SLC25A3: variants seen among roughly 807,000 people sequenced by gnomAD.
SLC25A3 encodes solute carrier family 25 member 3, also known as phosphate transport protein.
A neutral mutation model predicts 37.1 loss-of-function variants in SLC25A3; 14 were observed. The ratio of observed to expected loss-of-function variants is 0.38; its 90% confidence interval spans 0.25 to 0.59. The LOEUF (loss-of-function observed/expected upper bound fraction) is 0.59, where lower values mean the gene tolerates loss of function less well. SLC25A3 is among the 20% of genes least tolerant of loss of function. The probability of loss-of-function intolerance (pLI) is 0.67; values close to 1 mark genes in which losing one functional copy is unlikely to be tolerated. For missense variants in SLC25A3, 385 were observed against 458.1 expected, an observed-to-expected ratio of 0.84 and a Z score of 1.46; for synonymous variants, 161 against 168.7, an observed-to-expected ratio of 0.95 and a Z score of 0.36.
rs1395126283 is a variant in SLC25A3 at position 98,603,935 on chromosome 12, A to C, written c.*2407A>C. Reference sequence around the variant, plus strand: ...TAATGAAATGTCTACTGTCAATACGATAAAGCAGAACCCAGTGGAGTAAGA... The same window carrying C: ...TAATGAAATGTCTACTGTCAATACGCTAAAGCAGAACCCAGTGGAGTAAGA... On this transcript the variant is annotated 3_prime_UTR_variant, in exon 8 of 8. Coordinates refer to ENST00000552981, the MANE Select transcript of SLC25A3 (RefSeq NM_002635.4). 6.6e-6 allele frequency: 1 copy of C among 152,162 alleles called. No homozygotes were observed. Among genetic ancestry groups the C allele is most frequent in the African/African-American group, 2.4e-5 (1 of 41,430 alleles). The allele number at this position is 152,162 out of a possible 1,614,324, so 9.4% of individuals were successfully genotyped here. A position where few individuals can be genotyped will look rare whatever the true frequency, so the allele number is the denominator to read the frequency against.
chr12:98,594,556 T>C (rs972790289), intron 2 of SLC25A3: 16 of 589,106 alleles, frequency 2.7e-5, no homozygotes, highest in Admixed American at 2.4e-4. Flanking sequence ...TCCTAAGTTT[T>C]ATATTTGTCG....
chr12:98,599,421 A>G lies in SLC25A3; in HGVS notation c.642-534A>G, dbSNP rs182166706. ...AAGACTATTATAACATTTAATGTCT[A>G]TTTACCTGTATGTAGAACATAAACT... On this transcript the variant is annotated intron_variant, in intron 5 of 7. Coordinates refer to ENST00000552981, the MANE Select transcript of SLC25A3 (RefSeq NM_002635.4). Among the ~76,000 whole-genome samples the G allele has an allele frequency of 1.6e-3, 244 of 152,010 alleles. 3 individuals are homozygous for G. The highest frequency in any genetic ancestry group is 7.7e-3 in the South Asian group (37 of 4,816).
In SLC25A3 at chr12:98,601,209, T is replaced by A. The variant is rs757617119; in HGVS notation, c.853T>A (p.Ser285Thr). ...TGCAATTGTTTCTCACCCTGCTGAT[T>A]CTGTGGTATCTGTGTTGAATAAAGA... ...FCAIVSHPAD[S>T]VVSVLNKEKG... The change falls in exon 7 of 8, where the codon TCT (serine) becomes ACT (threonine). Residue 285 changes from serine to threonine, a missense_variant. Transcript: ENST00000552981. 4.3e-6 allele frequency: 7 copies of A among 1,613,626 alleles called. No homozygotes were observed. The East Asian group carries it at 1.3e-4, about 31-fold the overall frequency.
Position 98,601,515 on chromosome 12 carries a change from G to C in SLC25A3, c.1073G>C (p.Gly358Ala). 1 of 1,611,446 alleles carries C rather than the reference G, an allele frequency of 6.2e-7. No homozygotes were observed. The highest frequency in any genetic ancestry group is 8.5e-7 in the Non-Finnish European group (1 of 1,177,626). The change falls in exon 8 of 8, where the codon GGG becomes GCG. Residue 358 changes from glycine to alanine, a missense_variant. Physicochemically the swap from Gly to Ala is moderately conservative, Grantham distance 60. Coordinates refer to ENST00000552981, the MANE Select transcript of SLC25A3 (RefSeq NM_002635.4). ...CCAGAGTCTCTGAAGAAGAAGCTTG[G>C]GTTAACTCAGTAGTTAGATCAAAGC... ...EMPESLKKKL[G>A]LTQ
Position 98,602,640 on chromosome 12 carries a change from T to G in SLC25A3, c.*1112T>G, listed in dbSNP as rs186187019. ...GAGCTCCTAGAAAGTGAATTAGTTT[T>G]TGTGTTTAGATTCCCCTTAAGTTTG... On this transcript the variant is annotated 3_prime_UTR_variant, in exon 8 of 8. Transcript: ENST00000552981. The G allele has an allele frequency of 1.3e-5, 2 of 152,318 alleles. No individual in the cohort carries two copies. Among genetic ancestry groups the G allele is most frequent in the African/African-American group, 4.8e-5 (2 of 41,578 alleles). The allele number at this position is 152,318 out of a possible 1,614,324, so 9.4% of individuals were successfully genotyped here.
intron 2 of SLC25A3, chr12:98,595,405 C>G (rs183150042): frequency 5.6e-6 from 9 of 1,610,384 alleles, no homozygotes; most frequent in Non-Finnish European, 6.8e-6. Flanking sequence ...GAAATACTTA[C>G]TTGATTTTTT....
intron 2 of SLC25A3, chr12:98,595,517 C>T (rs764006781): frequency 3.1e-6 from 5 of 1,614,030 alleles, no homozygotes; most frequent in Non-Finnish European, 4.2e-6. Context: ...ACAACACATA[C>T]AGCATTGGTT....
chr12:98,602,570 T>C lies in SLC25A3; in HGVS notation c.*1042T>C, dbSNP rs999549690. 1 of 152,220 alleles carries C rather than the reference T, an allele frequency of 6.6e-6. No individual in the cohort carries two copies. The highest frequency in any genetic ancestry group is 1.5e-5 in the Non-Finnish European group (1 of 68,044). The allele number at this position is 152,220 out of a possible 1,614,324, so 9.4% of individuals were successfully genotyped here. The stretch of plus-strand genomic sequence containing the variant: ...CCACTGGGGAAAAAGCATTCCATCA[T>C]ACTTAGATACGAGATTGGATTGTAG... On this transcript the variant is annotated 3_prime_UTR_variant, in exon 8 of 8. Transcript: ENST00000552981.
At chr12:98,593,942 C>G in intron 1 of SLC25A3, 33 bp from the exon 2 acceptor site, 1 of 1,613,434 alleles carries the variant, frequency 6.2e-7, no homozygotes, top group South Asian at 1.1e-5. Context: ...GGCGCCTTGC[C>G]TGTCCTCTAA....
Position 98,602,731 on chromosome 12 carries a change from A to C in SLC25A3, c.*1203A>C, listed in dbSNP as rs1005636757. 6.6e-6 allele frequency: 1 copy of C among 152,158 alleles called. No homozygotes were observed. The highest frequency in any genetic ancestry group is 6.6e-5 in the Admixed American group (1 of 15,258). The allele number at this position is 152,158 out of a possible 1,614,324, so 9.4% of individuals were successfully genotyped here. ...CCCACCACTGGAAAAAAAACGAAAAACCTAGTGTAATATATAACATGCTGT... is the reference window on the plus strand; with the variant it reads ...CCCACCACTGGAAAAAAAACGAAAACCCTAGTGTAATATATAACATGCTGT... On this transcript the variant is annotated 3_prime_UTR_variant, in exon 8 of 8. Transcript: ENST00000552981.
rs1302964992 is a variant in SLC25A3, at chr12:98,604,263, A to AAAAAAATATAT, written c.*2736_*2737insAAAAATATATA. On this transcript the variant is annotated 3_prime_UTR_variant, in exon 8 of 8. Transcript: ENST00000552981. ...GCGAAACTCTGTCTCAAAAAAAAAAAATATATATATATATATATATATATG... is the reference window on the plus strand; with the variant it reads ...GCGAAACTCTGTCTCAAAAAAAAAAAAAAAAATATATATATATATATATATATATATATATG... 7.4e-6 allele frequency: 1 copy of AAAAAAATATAT among 134,588 alleles called. No individual in the cohort carries two copies. Among genetic ancestry groups the AAAAAAATATAT allele is most frequent in the Admixed American group, 7.6e-5 (1 of 13,128 alleles). 8.3% of individuals were successfully genotyped at this position (134,588 alleles called of 1,614,324 possible).
At chr12:98,595,987 CTTTAT>C (rs1484710561) in intron 3 of SLC25A3, 139 bp downstream of exon 3, 4 of 805,400 alleles carry the variant, frequency 5.0e-6, no homozygotes, top group African/African-American at 1.7e-5. Flanking sequence ...AAATTGTGGG[CTTTAT>C]TTTGACTAGT....
intron 6 of SLC25A3, 130 bp from the exon 7 acceptor site, chr12:98,601,041 C>CGT: frequency 1.0e-6 from 1 of 995,212 alleles, no homozygotes; most frequent in South Asian, 1.5e-5. Context: ...TAACTGTACC[C>CGT]GTGTCACCCT....
intron 4 of SLC25A3, 86 bp downstream of exon 4, chr12:98,598,121 T>C (rs556431341): frequency 1.5e-6 from 2 of 1,367,390 alleles, no homozygotes; most frequent in East Asian, 4.7e-5. Context: ...TGCCTTATTT[T>C]AGCACTGAAG....
chr12:98,597,042 AAGT>A (rs1565830085), intron 3 of SLC25A3, among the ~76,000 whole-genome samples: 2 of 152,136 alleles, frequency 1.3e-5, no homozygotes, highest in African/African-American at 4.8e-5. Context: ...AACACAAAAA[AAGT>A]AGTAGGAGTT....
In SLC25A3 at chr12:98,597,860, A is replaced by AC; in HGVS notation, c.289dup (p.Gln97ProfsTer8). 1.2e-6 allele frequency: 2 copies of AC among 1,612,726 alleles called. No homozygotes were observed. Among genetic ancestry groups the AC allele is most frequent in the Non-Finnish European group, 1.7e-6 (2 of 1,179,036 alleles). ...TTTTTCTTGTTTTAAATAAAGGTGGACCCCCAAAAGTACAAGGGCATATTT... is the reference window on the plus strand; with the variant it reads ...TTTTTCTTGTTTTAAATAAAGGTGGACCCCCCAAAAGTACAAGGGCATATTT... On this transcript the variant is annotated frameshift_variant, in exon 4 of 8. Transcript: ENST00000552981. LOFTEE classifies it high-confidence loss of function.
At chr12:98,597,681 C>G in intron 3 of SLC25A3, 175 bp from the exon 4 acceptor site, 1 of 833,322 alleles carries the variant, frequency 1.2e-6, no homozygotes, top group South Asian at 1.8e-5. Context: ...GCCTCAGCCT[C>G]CCAAAGTGCT....
At chr12:98,597,704 G>A in intron 3 of SLC25A3, 152 bp from the exon 4 acceptor site, 1 of 1,067,356 alleles carries the variant, frequency 9.4e-7, no homozygotes, top group African/African-American at 1.6e-5. Context: ...GATTACAGAT[G>A]TGAGCCACCG....
rs11544655 is a variant in SLC25A3, at chr12:98,595,776, T to C, written c.207T>C (p.Phe69=). 437 of 1,614,110 alleles carry C rather than the reference T, an allele frequency of 2.7e-4. 1 individual carries two copies. Among genetic ancestry groups the C allele is most frequent in the Non-Finnish European group, 3.6e-4 (424 of 1,180,040 alleles). The part of the protein sequence containing the change: ...GSAKYYALCG[F]GGVLSCGLTH... ...CGAAGTATTATGCACTGTGTGGCTTTGGTGGGGTCTTAAGTTGTGGTCTGA... is the reference window on the plus strand; with the variant it reads ...CGAAGTATTATGCACTGTGTGGCTTCGGTGGGGTCTTAAGTTGTGGTCTGA... The change falls in exon 3 of 8, where the codon TTT becomes TTC. Residue 69 remains phenylalanine, a synonymous_variant. Transcript: ENST00000552981.
Sources: allele counts gnomAD v4.1 joint callset (sites outside exome capture counted in the v4.1 genomes callset), GRCh38; gene constraint gnomAD v4.1.1; transcripts MANE v1.5; gene names NCBI Gene and HGNC (gene_info 2026-07-23, HGNC 2026-07-21).